Variants in CCDC102B observed in about 807,000 individuals in gnomAD.
CCDC102B encodes coiled-coil domain-containing protein 102B.
A neutral mutation model predicts 57.4 loss-of-function variants in CCDC102B; 75 were observed. That is an observed-to-expected ratio of 1.31 (90% confidence interval 1.08 to 1.58). The LOEUF is 1.58. Among genes scored for constraint, CCDC102B ranks in the 40% most tolerant of loss-of-function variants. The pLI, the probability that CCDC102B is intolerant of heterozygous loss-of-function variation, is 0.00. For synonymous variants in CCDC102B, 206 were observed against 201.9 expected (o/e 1.02, Z -0.17); for missense variants, 636 against 582.6 (o/e 1.09, Z -0.94).
chr18:68,910,451 G>A (rs904751910), intron 6 of CCDC102B, among the ~76,000 whole-genome samples: 60 of 152,060 alleles, frequency 3.9e-4, no homozygotes, highest in Admixed American at 2.0e-3. Context: ...TGGTAAGAAG[G>A]CATTTTAAGG....
intron 2 of CCDC102B, among the ~76,000 whole-genome samples, chr18:68,787,955 T>C (rs1599460804): frequency 6.6e-6 from 1 of 151,444 alleles, no homozygotes; most frequent in Non-Finnish European, 1.5e-5. Context: ...TGCTTTCTCT[T>C]GTGGGCATTT....
chr18:68,917,010 A>G (rs1211148801), intron 6 of CCDC102B, among the ~76,000 whole-genome samples: 1 of 152,168 alleles, frequency 6.6e-6, no homozygotes, highest in Non-Finnish European at 1.5e-5. Context: ...AAGCAAGGGG[A>G]TGACACAATC....
chr18:68,988,633 A>C lies in CCDC102B; in HGVS notation c.1264-22301A>C, dbSNP rs150208518. Reference sequence around the variant, plus strand: ...ATGAACTCGGAAATATAATACCTGAAAAAGAGTACTGGAATCAATGATATG... The same window carrying C: ...ATGAACTCGGAAATATAATACCTGACAAAGAGTACTGGAATCAATGATATG... On this transcript the variant is annotated intron_variant, in intron 6 of 7. Coordinates refer to ENST00000360242, the MANE Select transcript of CCDC102B (RefSeq NM_024781.3). 2.0e-3 allele frequency among the ~76,000 whole-genome samples: 308 copies of C among 152,324 alleles called. 1 individual carries two copies. The highest frequency in any genetic ancestry group is 6.8e-3 in the African/African-American group (284 of 41,574).
intron 6 of CCDC102B, among the ~76,000 whole-genome samples, chr18:68,986,395 T>A (rs1021297702): frequency 6.6e-6 from 1 of 152,124 alleles, no homozygotes; most frequent in Non-Finnish European, 1.5e-5. Context: ...GCAAACACCA[T>A]ATGATCGTCT....
chr18:68,838,697 T>C lies in CCDC102B; in HGVS notation c.607-9T>C. ...GGTTTAAATATGTTTTGTTTTGTTTTGTCTTCAGGAACAAGGTGTGGTTAT... is the reference window on the plus strand; with the variant it reads ...GGTTTAAATATGTTTTGTTTTGTTTCGTCTTCAGGAACAAGGTGTGGTTAT... On this transcript the variant is annotated splice_polypyrimidine_tract_variant and intron_variant, in intron 2 of 7. Transcript: ENST00000360242. 1 of 1,610,774 alleles carries C rather than the reference T, an allele frequency of 6.2e-7. No individual in the cohort carries two copies. The highest frequency in any genetic ancestry group is 1.1e-5 in the South Asian group (1 of 90,248).
intron 6 of CCDC102B, among the ~76,000 whole-genome samples, chr18:68,968,368 A>G (rs942122808): frequency 1.3e-5 from 2 of 152,176 alleles, no homozygotes; most frequent in East Asian, 1.9e-4. Flanking sequence ...ACTTTGCTTT[A>G]AACTTCTTAT....
chr18:69,047,851 A>G (rs1471581590), intron 7 of CCDC102B, among the ~76,000 whole-genome samples: 1 of 152,150 alleles, frequency 6.6e-6, no homozygotes, highest in Non-Finnish European at 1.5e-5. Flanking sequence ...TATCTCTACA[A>G]TGAGAGTTAC....
rs201214278 is a variant in CCDC102B, at chr18:68,738,993, C to CTTTTT, written c.-67+22403_-67+22404insTTTTT. On this transcript the variant is annotated intron_variant, in intron 2 of 3. Transcript: ENST00000578970. ...GGCCATTGGACTGTAGATGAGCAGCCTTTTGTTTTTTTTTTTTTTAGACCA... is the reference window on the plus strand; with the variant it reads ...GGCCATTGGACTGTAGATGAGCAGCCTTTTTTTTTGTTTTTTTTTTTTTTAGACCA... Among the ~76,000 whole-genome samples, 117 of 145,002 alleles carry CTTTTT rather than the reference C, an allele frequency of 8.1e-4. 1 individual carries two copies. In the East Asian group the frequency reaches 0.013, roughly 16 times the overall value.
chr18:68,715,238 G>GCC (rs199817898), exon 1 of CCDC102B: 29 of 1,345,798 alleles, frequency 2.2e-5, no homozygotes, highest in Non-Finnish European at 2.7e-5. Flanking sequence ...CGCTCTCGGT[G>GCC]CCCCCCTCCA....
At chr18:68,951,753 G>A (rs1334869879) in intron 6 of CCDC102B, among the ~76,000 whole-genome samples, 3 of 151,712 alleles carry the variant, frequency 2.0e-5, no homozygotes, top group African/African-American at 7.3e-5. Context: ...GGTTGCAGTG[G>A]GCTGAGATTA....
intron 2 of CCDC102B, among the ~76,000 whole-genome samples, chr18:68,787,171 A>G (rs1215417001): frequency 6.6e-6 from 1 of 150,858 alleles, no homozygotes; most frequent in Non-Finnish European, 1.5e-5. Flanking sequence ...CATCCAAGGG[A>G]TGAAGCCCAC....
At chr18:68,907,282 A>G (rs541888091) in intron 6 of CCDC102B, among the ~76,000 whole-genome samples, 2 of 152,268 alleles carry the variant, frequency 1.3e-5, no homozygotes, top group African/African-American at 4.8e-5. Context: ...TGGATATTCA[A>G]AGCCTCCTGA....
chr18:68,880,549 G>C (rs2039657617), intron 5 of CCDC102B, among the ~76,000 whole-genome samples: 1 of 152,220 alleles, frequency 6.6e-6, no homozygotes, highest in African/African-American at 2.4e-5. Flanking sequence ...CCAGCATGCT[G>C]TCACCTCTCA....
At chr18:68,975,487 G>A (rs2050410114) in intron 6 of CCDC102B, among the ~76,000 whole-genome samples, 1 of 151,942 alleles carries the variant, frequency 6.6e-6, no homozygotes, top group African/African-American at 2.4e-5. Context: ...TTCTAATCAT[G>A]TCTCCAATGA....
intron 6 of CCDC102B, among the ~76,000 whole-genome samples, chr18:68,998,676 G>T (rs1448380038): frequency 6.6e-6 from 1 of 151,656 alleles, no homozygotes; most frequent in African/African-American, 2.4e-5. Flanking sequence ...TATAGGTCCA[G>T]GAGTCCAAAA....
chr18:68,838,455 G>A (rs2037481543), intron 2 of CCDC102B: 1 of 984,956 alleles, frequency 1.0e-6, no homozygotes. Flanking sequence ...ATTAGAAAAA[G>A]AGAACAAACA....
At chr18:68,975,508 T>A (rs1427195850) in intron 6 of CCDC102B, among the ~76,000 whole-genome samples, 1 of 152,032 alleles carries the variant, frequency 6.6e-6, no homozygotes, top group Non-Finnish European at 1.5e-5. Context: ...TTGTTATAGA[T>A]GTAGTAAAAC....
At chr18:68,941,255 G>A (rs1002082860) in intron 6 of CCDC102B, among the ~76,000 whole-genome samples, 42 of 95,264 alleles carry the variant, frequency 4.4e-4, no homozygotes, top group Middle Eastern at 5.8e-3. Context: ...ACTATGGTGA[G>A]CACAAAAATA....
intron 2 of CCDC102B, among the ~76,000 whole-genome samples, chr18:68,746,427 A>T (rs2145233870): frequency 6.6e-6 from 1 of 152,282 alleles, no homozygotes; most frequent in Non-Finnish European, 1.5e-5. Flanking sequence ...TAAATCTTAA[A>T]CAGGTTGCTA....
Sources: gnomAD v4.1 joint callset for allele counts (sites outside exome capture counted in the v4.1 genomes callset) on GRCh38, gnomAD v4.1.1 for gene constraint, MANE v1.5 for transcripts, NCBI Gene and HGNC (gene_info 2026-07-23, HGNC 2026-07-21) for gene names.